The following COG6 variants were observed in gnomAD, a reference collection of about 807,000 sequenced individuals.
COG6 encodes the protein conserved oligomeric Golgi complex subunit 6.
In COG6, 74 loss-of-function variants were observed where a neutral mutation model predicts 88.8. The ratio of observed to expected loss-of-function variants is 0.83; its 90% confidence interval spans 0.69 to 1.01. COG6 has a LOEUF of 1.01. Ranked by LOEUF, COG6 falls within the 50% of genes least tolerant of loss-of-function variation. The pLI, the probability that COG6 is intolerant of heterozygous loss-of-function variation, is 0.00. For missense variants in COG6, 800 were observed against 797.9 expected, an observed-to-expected ratio of 1.00 and a Z score of -0.03; for synonymous variants, 286 against 278.7, an observed-to-expected ratio of 1.03 and a Z score of -0.26.
At chr13:39,722,129 T>A (rs1878880100) in intron 15 of COG6, among the ~76,000 whole-genome samples, 1 of 152,062 alleles carries the variant, frequency 6.6e-6, no homozygotes, top group South Asian at 2.1e-4. Context: ...TTTAATCTAT[T>A]TCTTTGATAT....
intron 18 of COG6, among the ~76,000 whole-genome samples, chr13:39,759,628 A>G (rs1880951011): frequency 4.6e-5 from 7 of 152,176 alleles, no homozygotes; most frequent in Admixed American, 4.6e-4. Context: ...CCTCTGAGAG[A>G]ATGTGCTTTG....
intron 8 of COG6, 142 bp downstream of exon 8, chr13:39,682,406 G>A: frequency 3.2e-6 from 2 of 625,090 alleles, no homozygotes; most frequent in East Asian, 2.9e-5. Flanking sequence ...ACCTTAACTT[G>A]AATTTGTTTC....
intron 13 of COG6, among the ~76,000 whole-genome samples, chr13:39,716,968 C>G (rs187028256): frequency 3.3e-5 from 5 of 152,080 alleles, no homozygotes; most frequent in Non-Finnish European, 5.9e-5. Context: ...TTATGTGGAT[C>G]GAGTTACTTT....
chr13:39,662,347 G>A (rs1415674973), intron 3 of COG6, among the ~76,000 whole-genome samples: 2 of 151,770 alleles, frequency 1.3e-5, no homozygotes, highest in Non-Finnish European at 2.9e-5. Flanking sequence ...GGGTGGTCTC[G>A]AACTCCTGAC....
intron 18 of COG6, among the ~76,000 whole-genome samples, chr13:39,741,474 T>G (rs920661908): frequency 6.6e-6 from 1 of 152,164 alleles, no homozygotes; most frequent in Non-Finnish European, 1.5e-5. Flanking sequence ...CAAGCTTCAA[T>G]AGTCGATTTG....
chr13:39,749,827 TTTG>T, intron 18 of COG6, among the ~76,000 whole-genome samples: 1 of 152,254 alleles, frequency 6.6e-6, no homozygotes, highest in South Asian at 2.1e-4. Context: ...GTAGAAGGAA[TTTG>T]GGCTTCTCTG....
intron 13 of COG6, among the ~76,000 whole-genome samples, chr13:39,715,271 C>CTCTG (rs1555279500): frequency 0.19 from 9,305 of 49,656 alleles, 377 homozygotes; most frequent in Non-Finnish European, 0.27. Flanking sequence ...CTCTCTCTCT[C>CTCTG]TATACACACA....
Position 39,684,243 on chromosome 13 carries a change from A to ATTTTTTTTTTTTTTTTTT in COG6, c.788+1987_788+2004dup, listed in dbSNP as rs1203671335. 8.2e-4 allele frequency among the ~76,000 whole-genome samples: 55 copies of ATTTTTTTTTTTTTTTTTT among 67,382 alleles called. 13 individuals are homozygous for ATTTTTTTTTTTTTTTTTT. Among genetic ancestry groups the ATTTTTTTTTTTTTTTTTT allele is most frequent in the South Asian group, 1.9e-3 (3 of 1,560 alleles). The allele number at this position is 67,382 out of a possible 152,430, so 44.2% of individuals were successfully genotyped here. ...GGGGGCAGTAATGGCAATTTGGAAG[A>ATTTTTTTTTTTTTTTTTT]TTTTTTTTTTTTTTTTTTTTTTTTT... On this transcript the variant is annotated intron_variant, in intron 8 of 18. Coordinates refer to ENST00000455146, the MANE Select transcript of COG6 (RefSeq NM_020751.3).
At chr13:39,749,565 C>G (rs1880515000) in intron 18 of COG6, among the ~76,000 whole-genome samples, 1 of 152,106 alleles carries the variant, frequency 6.6e-6, no homozygotes, top group South Asian at 2.1e-4. Flanking sequence ...ATGAAAGGAA[C>G]AGAAAAAGTG....
At chr13:39,788,267 T>G in intron 18 of COG6, 23 of 1,438,154 alleles carry the variant, frequency 1.6e-5, no homozygotes, top group East Asian at 2.5e-5. Context: ...TGCAGGAATG[T>G]GAGGTATTCA....
At chr13:39,771,354 G>A (rs1423638940) in intron 18 of COG6, among the ~76,000 whole-genome samples, 1 of 152,234 alleles carries the variant, frequency 6.6e-6, no homozygotes, top group Non-Finnish European at 1.5e-5. Flanking sequence ...CACTGGACAA[G>A]AATAGCCAGG....
intron 18 of COG6, among the ~76,000 whole-genome samples, chr13:39,739,055 C>T (rs1879912458): frequency 6.6e-6 from 1 of 151,992 alleles, no homozygotes; most frequent in Non-Finnish European, 1.5e-5. Context: ...ATACTACACA[C>T]AAACTATAGA....
chr13:39,662,372 C>T (rs553303032), intron 3 of COG6, among the ~76,000 whole-genome samples: 4 of 152,186 alleles, frequency 2.6e-5, no homozygotes, highest in Non-Finnish European at 5.9e-5. Flanking sequence ...AGTGATTCAC[C>T]TACCTCGGCC....
At position 39,724,497 on chromosome 13, in the gene COG6, TTTTTAAATAGGGCTC is replaced by T; in HGVS notation, c.1693-7_1700del. 6.5e-7 allele frequency: 1 copy of T among 1,542,308 alleles called. No individual in the cohort carries two copies. Among genetic ancestry groups the T allele is most frequent in the Non-Finnish European group, 8.8e-7 (1 of 1,138,206 alleles). ...TCTTGGATCTGCTTTTTTTTTTTTT[TTTTTAAATAGGGCTC>T]TTTAGCTAATATGCCCAACCTAGAT... is the stretch of plus-strand genomic sequence containing the variant. On this transcript the variant is annotated splice_acceptor_variant and splice_polypyrimidine_tract_variant and coding_sequence_variant and intron_variant, in exon 17 of 19. Transcript: ENST00000455146. LOFTEE classifies it high-confidence loss of function.
At chr13:39,732,063 G>A (rs975765796) in intron 18 of COG6, among the ~76,000 whole-genome samples, 1 of 152,104 alleles carries the variant, frequency 6.6e-6, no homozygotes, top group Non-Finnish European at 1.5e-5. Context: ...TGATTGGATG[G>A]AGCCCGCCCC....
intron 18 of COG6, among the ~76,000 whole-genome samples, chr13:39,728,322 T>C (rs998322958): frequency 6.6e-6 from 1 of 152,154 alleles, no homozygotes; most frequent in Non-Finnish European, 1.5e-5. Context: ...ATTTCAGATA[T>C]CTAAAAGAAT....
intron 4 of COG6, among the ~76,000 whole-genome samples, chr13:39,668,766 C>G (rs1427036033): frequency 6.8e-6 from 1 of 146,554 alleles, no homozygotes; most frequent in Admixed American, 6.9e-5. Context: ...CCAGCCTGGG[C>G]GACAGAGCGA....
At chr13:39,774,668 G>A (rs1881413980) in intron 18 of COG6, among the ~76,000 whole-genome samples, 1 of 151,600 alleles carries the variant, frequency 6.6e-6, no homozygotes, top group African/African-American at 2.4e-5. Context: ...TCCACCTCCC[G>A]GGTTCAAGCG....
At chr13:39,755,114 A>G (rs1000494529), downstream of COG6, among the ~76,000 whole-genome samples, 2 of 152,168 alleles carry the variant, frequency 1.3e-5, no homozygotes, top group Non-Finnish European at 2.9e-5. Flanking sequence ...GCCTTCAAAA[A>G]ATGATCAAAG....
Sources: allele counts gnomAD v4.1 joint callset (sites outside exome capture counted in the v4.1 genomes callset), GRCh38; gene constraint gnomAD v4.1.1; transcripts MANE v1.5; gene names NCBI Gene and HGNC (gene_info 2026-07-23, HGNC 2026-07-21).